The following FANCM variants were observed in gnomAD, a reference collection of about 807,000 sequenced individuals.
FANCM encodes Fanconi anemia group M protein.
A neutral mutation model predicts 199.5 loss-of-function variants in FANCM; 140 were observed. That is an observed-to-expected ratio of 0.70 (90% CI 0.61 to 0.81). The LOEUF (loss-of-function observed/expected upper bound fraction) is 0.81, where lower values mean the gene tolerates loss of function less well. FANCM is among the 30% of genes least tolerant of loss of function. FANCM has a pLI of 0.00. For synonymous variants in FANCM, 840 were observed against 836.8 expected, an observed-to-expected ratio of 1.00 and a Z score of -0.07; for missense variants, 2,410 against 2,421.4, an observed-to-expected ratio of 1.00 and a Z score of 0.10.
chr14:45,185,426 AT>A, intron 18 of FANCM, 53 bp downstream of exon 18: 1 of 1,044,138 alleles, frequency 9.6e-7, no homozygotes, highest in Non-Finnish European at 1.4e-6. Context: ...ATGTGCTTAT[AT>A]TTAAATATTT....
At chr14:45,181,888 T>C (rs952089470) in intron 16 of FANCM, among the ~76,000 whole-genome samples, 183 bp downstream of exon 16, 10 of 152,212 alleles carry the variant, frequency 6.6e-5, no homozygotes, top group Non-Finnish European at 1.2e-4. Flanking sequence ...CTGTAAACTT[T>C]CCTAAGCACA....
At chr14:45,154,845 A>G in intron 7 of FANCM, 23 bp downstream of exon 7, 2 of 1,600,846 alleles carry the variant, frequency 1.2e-6, no homozygotes, top group Non-Finnish European at 1.7e-6. Flanking sequence ...TTTTAAAATT[A>G]TGTATTGTGT....
At chr14:45,172,955 T>C in intron 12 of FANCM, 100 bp from the exon 13 acceptor site, 1 of 874,260 alleles carries the variant, frequency 1.1e-6, no homozygotes, top group Non-Finnish European at 1.9e-6. Flanking sequence ...TGGATCCAAA[T>C]TATGTTAAGC....
intron 5 of FANCM, among the ~76,000 whole-genome samples, chr14:45,153,678 TAAAG>T (rs1365866523): frequency 1.3e-5 from 2 of 152,294 alleles, no homozygotes; most frequent in East Asian, 1.9e-4. Context: ...CCTGTTTAAT[TAAAG>T]AAAAAGAAAT....
In FANCM at chr14:45,175,618, T is replaced by C. The variant is rs1291461383; in HGVS notation, c.2864T>C (p.Val955Ala). 1 of 1,613,670 alleles carries C rather than the reference T, an allele frequency of 6.2e-7. No homozygotes were observed. Among genetic ancestry groups the C allele is most frequent in the Non-Finnish European group, 8.5e-7 (1 of 1,179,764 alleles). Residue 955 changes from valine (V) to alanine (A), a missense_variant, in exon 14 of 23, where the codon GTT (valine) becomes GCT (alanine). By Grantham distance (64) the Val-to-Ala change is moderately conservative. Coordinates refer to ENST00000267430, the MANE Select transcript of FANCM (RefSeq NM_020937.4). Reference sequence around the variant, plus strand: ...AACAGTTTCAATGATGAAAAATCTGTTTCATCTAACTTATTTCTTCCATTC... The same window carrying C: ...AACAGTTTCAATGATGAAAAATCTGCTTCATCTAACTTATTTCTTCCATTC... ...GYNSFNDEKS[V>A]SSNLFLPFEE...
In FANCM at chr14:45,181,503, A is replaced by T; in HGVS notation, c.4296A>T (p.Gly1432=). Residue 1432 remains glycine (G), a synonymous_variant, in exon 15 of 23, where the codon GGA becomes GGT. Transcript: ENST00000267430. The stretch of plus-strand genomic sequence containing the variant: ...GAAGAAAAGTTAAAAGAGCAAAAGG[A>T]AATGTTTTAAACTCTCCTGAGGTGA... ...IFRRKVKRAK[G]NVLNSPEDQK... is the part of the protein sequence containing the mutation. 1 of 1,605,638 alleles carries T rather than the reference A, an allele frequency of 6.2e-7. No individual in the cohort carries two copies. The highest frequency in any genetic ancestry group is 1.7e-4 in the Middle Eastern group (1 of 6,042).
chr14:45,158,611 G>A (rs367949682), intron 8 of FANCM, among the ~76,000 whole-genome samples: 1 of 152,126 alleles, frequency 6.6e-6, no homozygotes, highest in South Asian at 2.1e-4. Flanking sequence ...TGAAATTAGG[G>A]GGAGCTGCAT....
chr14:45,141,883 C>A (rs117640296), intron 3 of FANCM, among the ~76,000 whole-genome samples: 6,219 of 151,954 alleles, frequency 0.041, 209 homozygotes, highest in South Asian at 0.12. Context: ...GCTACTATGC[C>A]CAGCCCAGGA....
intron 18 of FANCM, 79 bp from the exon 19 acceptor site, chr14:45,187,702 A>G: frequency 1.5e-6 from 1 of 684,482 alleles, no homozygotes; most frequent in Non-Finnish European, 2.6e-6. Flanking sequence ...GTAAATTTGA[A>G]ATAGATTGAA....
chr14:45,176,747 A>C lies in FANCM; in HGVS notation c.3993A>C (p.Pro1331=). The change falls in exon 14 of 23, where the codon CCA becomes CCC. Residue 1331 remains proline (P), a synonymous_variant. Transcript: ENST00000267430. ...LSPGYSQFSL[P]VQKKVMSTPL... is the part of the protein sequence containing the mutation. ...CTGGTTATTCTCAGTTTTCTTTACC[A>C]GTGCAAAAAAAAGTTATGAGTACAC... 1 of 1,612,690 alleles carries C rather than the reference A, an allele frequency of 6.2e-7. No individual in the cohort carries two copies. The highest frequency in any genetic ancestry group is 8.5e-7 in the Non-Finnish European group (1 of 1,179,312).
chr14:45,154,590 CT>C (rs1160943077), intron 6 of FANCM, 106 bp from the exon 7 acceptor site: 1 of 804,140 alleles, frequency 1.2e-6, no homozygotes, highest in African/African-American at 1.7e-5. Context: ...CATGTTTACA[CT>C]TGAAAAACTT....
Position 45,147,334 on chromosome 14 carries a change from G to T in FANCM, c.760-1503G>T, listed in dbSNP as rs1010561184. 2.0e-5 allele frequency among the ~76,000 whole-genome samples: 3 copies of T among 149,868 alleles called. No individual in the cohort carries two copies. In the East Asian group the frequency reaches 5.9e-4, roughly 29 times the overall value. On this transcript the variant is annotated intron_variant, in intron 3 of 22. Transcript: ENST00000267430. ...TTTCTTTCTTTTTTTTTTGGAGACA[G>T]GGTCTTGCCCTGTCACCCAGGCTGG...
chr14:45,192,527 C>T (rs147631953), intron 20 of FANCM, among the ~76,000 whole-genome samples: 4,169 of 152,244 alleles, frequency 0.027, 113 homozygotes, highest in African/African-American at 0.068. Flanking sequence ...CCTGTAGCCC[C>T]AGCTATTCAG....
chr14:45,155,843 ATTAGT>A (rs1333570272), intron 8 of FANCM, among the ~76,000 whole-genome samples: 1 of 152,020 alleles, frequency 6.6e-6, no homozygotes, highest in Non-Finnish European at 1.5e-5. Flanking sequence ...CCTTCAACCT[ATTAGT>A]TTATTCTAAC....
intron 2 of FANCM, among the ~76,000 whole-genome samples, chr14:45,138,129 G>A (rs1293366292): frequency 1.3e-5 from 2 of 152,124 alleles, no homozygotes; most frequent in Non-Finnish European, 2.9e-5. Flanking sequence ...TTCATTAGGC[G>A]ATACTTGATA....
chr14:45,187,062 A>G (rs1354612779), intron 18 of FANCM, among the ~76,000 whole-genome samples: 2 of 152,126 alleles, frequency 1.3e-5, no homozygotes, highest in African/African-American at 2.4e-5. Context: ...GAAAAAAAGG[A>G]GGAGTCAGTA....
chr14:45,137,320 G>A (rs1566718340), intron 2 of FANCM, 79 bp downstream of exon 2: 1 of 1,088,702 alleles, frequency 9.2e-7, no homozygotes, highest in Non-Finnish European at 1.4e-6. Flanking sequence ...ACTAGTGATG[G>A]AAGTTATTGA....
At chr14:45,177,255 A>G (rs1888771813) in intron 14 of FANCM, among the ~76,000 whole-genome samples, 1 of 152,198 alleles carries the variant, frequency 6.6e-6, no homozygotes, top group Non-Finnish European at 1.5e-5. Context: ...GTTGTAAAAC[A>G]TAATTATGTG....
In FANCM at chr14:45,136,125, C is replaced by T. The variant is rs1458229011; in HGVS notation, c.94C>T (p.Pro32Ser). 3 of 1,614,184 alleles carry T rather than the reference C, an allele frequency of 1.9e-6. No individual in the cohort carries two copies. The highest frequency in any genetic ancestry group is 2.7e-5 in the African/African-American group (2 of 75,054). Residue 32 changes from proline to serine, a missense_variant, in exon 1 of 23, where the codon CCT becomes TCT. Pro to Ser is a moderately conservative substitution (Grantham distance 74). Transcript: ENST00000267430. ...GGGTTGCAGCTCCGGAACTGAGCGACCTCAGAGCCCTGGCAGCTCCAAGGC... is the reference window on the plus strand; with the variant it reads ...GGGTTGCAGCTCCGGAACTGAGCGATCTCAGAGCCCTGGCAGCTCCAAGGC... ...TPGCSSGTERPQSPGSSKAPL... is the reference protein window; with the variant it reads ...TPGCSSGTERSQSPGSSKAPL...
Sources: allele counts gnomAD v4.1 joint callset (sites outside exome capture counted in the v4.1 genomes callset), GRCh38; gene constraint gnomAD v4.1.1; transcripts MANE v1.5; gene names NCBI Gene and HGNC (gene_info 2026-07-23, HGNC 2026-07-21).